The following SLFN5 variants were observed in gnomAD, a reference collection of about 807,000 sequenced individuals.
SLFN5 encodes the protein schlafen family member 5.
SLFN5 carries 34 observed loss-of-function variants against 48.5 expected under a neutral mutation model. The ratio of observed to expected loss-of-function variants is 0.70; its 90% CI spans 0.53 to 0.93. The LOEUF (loss-of-function observed/expected upper bound fraction) is 0.93, where lower values mean the gene tolerates loss of function less well. Ranked by LOEUF, SLFN5 falls within the 40% of genes least tolerant of loss-of-function variation. The pLI is 0.00. For synonymous variants in SLFN5, 387 were observed against 396.2 expected, an observed-to-expected ratio of 0.98 and a Z score of 0.28; for missense variants, 1,006 against 1,071.3, an observed-to-expected ratio of 0.94 and a Z score of 0.85.
At chr17:35,251,833 C>T (rs1488984706) in intron 1 of SLFN5, among the ~76,000 whole-genome samples, 2 of 151,704 alleles carry the variant, frequency 1.3e-5, no homozygotes, top group South Asian at 2.1e-4. Context: ...CCTGCCTCAA[C>T]CTCCCGAGTA....
chr17:35,267,374 C>G lies in SLFN5; in HGVS notation c.*1486C>G, dbSNP rs974116411. 13 of 152,182 alleles carry G rather than the reference C, an allele frequency of 8.5e-5. No individual in the cohort carries two copies. Among genetic ancestry groups the G allele is most frequent in the African/African-American group, 2.6e-4 (11 of 41,532 alleles). 9.4% of individuals were successfully genotyped at this position (152,182 alleles called of 1,614,324 possible). ...GAGTTCAACCTTACACTATAAACAT[C>G]TAATAGATATGTATGAAAATTTAAA... On this transcript the variant is annotated 3_prime_UTR_variant, in exon 5 of 5. Transcript: ENST00000299977.
At position 35,245,637 on chromosome 17, in the gene SLFN5, C is replaced by A. The variant is rs139273746; in HGVS notation, c.-41+2494C>A. On this transcript the variant is annotated intron_variant, in intron 1 of 4. Transcript: ENST00000299977. ...CACTCAGCATCATTGTTTTCAGATT[C>A]ATCTATGTCATTGTGGGTACCAATA... 6.4e-4 allele frequency among the ~76,000 whole-genome samples: 98 copies of A among 152,230 alleles called. 1 individual carries two copies. The East Asian group carries it at 0.018, about 27-fold the overall frequency.
chr17:35,249,502 T>TA (rs1177799015), intron 1 of SLFN5, among the ~76,000 whole-genome samples: 2 of 152,232 alleles, frequency 1.3e-5, no homozygotes, highest in Non-Finnish European at 2.9e-5. Context: ...GTAAACATGG[T>TA]ACTACTCTTT....
intron 4 of SLFN5, 32 bp downstream of exon 4, chr17:35,264,935 C>T: frequency 6.5e-7 from 1 of 1,538,780 alleles, no homozygotes; most frequent in South Asian, 1.3e-5. Flanking sequence ...ACTTTATTTT[C>T]TTGAGTGACT....
Position 35,266,177 on chromosome 17 carries a change from T to TGTGTGCGCGCGC in SLFN5, c.*290_*291insTGTGCGCGCGCG, listed in dbSNP as rs35160124. 93 of 173,416 alleles carry TGTGTGCGCGCGC rather than the reference T, an allele frequency of 5.4e-4. No individual in the cohort carries two copies. Among genetic ancestry groups the TGTGTGCGCGCGC allele is most frequent in the African/African-American group, 1.6e-3 (62 of 38,526 alleles). The allele number at this position is 173,416 out of a possible 1,614,324, so 10.7% of individuals were successfully genotyped here. Reference sequence around the variant, plus strand: ...GTGTGTGTGTGTGTGTGTGTGTGTGTGCGCGCGCGCACGTGCACATGTGTG... The same window carrying TGTGTGCGCGCGC: ...GTGTGTGTGTGTGTGTGTGTGTGTGTGTGTGCGCGCGCGCGCGCGCGCACGTGCACATGTGTG... On this transcript the variant is annotated 3_prime_UTR_variant, in exon 5 of 5. Coordinates refer to ENST00000299977, the MANE Select transcript of SLFN5 (RefSeq NM_144975.4).
Position 35,270,817 on chromosome 17 carries a change from C to G in SLFN5, c.*4929C>G, listed in dbSNP as rs1284973156. 1.3e-5 allele frequency: 2 copies of G among 152,072 alleles called. No homozygotes were observed. Among genetic ancestry groups the G allele is most frequent in the Non-Finnish European group, 2.9e-5 (2 of 68,014 alleles). 9.4% of individuals were successfully genotyped at this position (152,072 alleles called of 1,614,324 possible). ...AGGGTTGGTTGTCAGTTGTGACAAC[C>G]AAAAATGTCTCCAGACATCGCCAAA... On this transcript the variant is annotated 3_prime_UTR_variant, in exon 5 of 5. Coordinates refer to ENST00000299977, the MANE Select transcript of SLFN5 (RefSeq NM_144975.4).
intron 1 of SLFN5, among the ~76,000 whole-genome samples, chr17:35,243,797 C>G (rs2142678950): frequency 6.6e-6 from 1 of 152,360 alleles, no homozygotes; most frequent in Middle Eastern, 3.4e-3. Context: ...AGCCCAAATT[C>G]AGGCTCAGGA....
At chr17:35,259,781 G>C in intron 2 of SLFN5, 79 bp downstream of exon 2, 1 of 1,462,024 alleles carries the variant, frequency 6.8e-7, no homozygotes, top group Non-Finnish European at 9.2e-7. Context: ...AGAGGGATAT[G>C]GTATTCCTTG....
At chr17:35,250,486 C>T (rs2092439825) in intron 1 of SLFN5, among the ~76,000 whole-genome samples, 1 of 152,006 alleles carries the variant, frequency 6.6e-6, no homozygotes, top group African/African-American at 2.4e-5. Context: ...GAAACCCGGT[C>T]TCTACTAAAA....
intron 1 of SLFN5, among the ~76,000 whole-genome samples, chr17:35,251,587 A>T (rs2092442551): frequency 6.8e-6 from 1 of 147,198 alleles, no homozygotes; most frequent in Non-Finnish European, 1.5e-5. Flanking sequence ...TTGTATTTTT[A>T]GTAGAGACGG....
At position 35,256,274 on chromosome 17, in the gene SLFN5, G is replaced by A. The variant is rs528078410; in HGVS notation, c.-40-2377G>A. Among the ~76,000 whole-genome samples the A allele has an allele frequency of 1.4e-3, 215 of 152,158 alleles. 1 individual carries two copies. The highest frequency in any genetic ancestry group is 2.6e-3 in the Non-Finnish European group (178 of 68,008). On this transcript the variant is annotated intron_variant, in intron 1 of 4. Transcript: ENST00000299977. The stretch of plus-strand genomic sequence containing the variant: ...CTCGGGAGGCTGAGGCAGGAGAATC[G>A]CTTGAACCTGGGAGGCAGAGTTTAC...
In SLFN5 at chr17:35,258,591, G is replaced by A. The variant is rs1197291272; in HGVS notation, c.-40-60G>A. The A allele has an allele frequency of 4.2e-6, 6 of 1,433,722 alleles. No individual in the cohort carries two copies. In the African/African-American group the frequency reaches 5.7e-5, roughly 14 times the overall value. The allele number at this position is 1,433,722 out of a possible 1,614,324, so 88.8% of individuals were successfully genotyped here. A position where few individuals can be genotyped will look rare whatever the true frequency, so the allele number is the denominator to read the frequency against. ...CTCAGTAGGATGGCCTTAATCTGTT[G>A]GTTTTCCTGCCTCTCCTATTCTTGT... On this transcript the variant is annotated intron_variant, in intron 1 of 4. Coordinates refer to ENST00000299977, the MANE Select transcript of SLFN5 (RefSeq NM_144975.4).
In SLFN5 at chr17:35,259,019, T is replaced by C. The variant is rs1184362410; in HGVS notation, c.329T>C (p.Leu110Pro). 4.3e-6 allele frequency: 7 copies of C among 1,614,216 alleles called. No individual in the cohort carries two copies. Among genetic ancestry groups the C allele is most frequent in the Middle Eastern group, 1.6e-4 (1 of 6,062 alleles). Reference sequence around the variant, plus strand: ...TGGAACACAGAGGCTGGTGTGCCACTTGCTACCTTATGCTCCAATTTGTAC... The same window carrying C: ...TGGAACACAGAGGCTGGTGTGCCACCTGCTACCTTATGCTCCAATTTGTAC... ...KSWNTEAGVP[L>P]ATLCSNLYHR... The change falls in exon 2 of 5, where the codon CTT becomes CCT. Residue 110 changes from leucine to proline, a missense_variant. Physicochemically the swap from Leu to Pro is moderately conservative, Grantham distance 98. Coordinates refer to ENST00000299977, the MANE Select transcript of SLFN5 (RefSeq NM_144975.4).
intron 1 of SLFN5, among the ~76,000 whole-genome samples, chr17:35,244,744 G>C (rs2092426927): frequency 6.6e-6 from 1 of 152,038 alleles, no homozygotes; most frequent in African/African-American, 2.4e-5. Flanking sequence ...AGGAGTTCGA[G>C]ACAGCCTGGC....
intron 1 of SLFN5, among the ~76,000 whole-genome samples, chr17:35,245,890 C>T (rs770772590): frequency 2.0e-5 from 3 of 151,164 alleles, no homozygotes; most frequent in Admixed American, 1.3e-4. Flanking sequence ...ATATGGCAAG[C>T]GTACGCAGAA....
chr17:35,254,519 C>T (rs578013978), intron 1 of SLFN5, among the ~76,000 whole-genome samples: 4 of 152,246 alleles, frequency 2.6e-5, no homozygotes, highest in Admixed American at 6.5e-5. Context: ...TCTGAAATCT[C>T]AGTTCACAGT....
At chr17:35,243,769 G>A (rs1035010017) in intron 1 of SLFN5, among the ~76,000 whole-genome samples, 3 of 152,138 alleles carry the variant, frequency 2.0e-5, no homozygotes, top group Non-Finnish European at 4.4e-5. Context: ...CATGTGTCCC[G>A]GGAGCCCGAG....
chr17:35,261,092 T>A lies in SLFN5; in HGVS notation c.1134T>A (p.Phe378Leu), dbSNP rs755279353. ...ECLKEQQKRY[F>L]PVFSDRVVYT... ...TGAAAGAGCAGCAGAAACGCTACTT[T>A]CCAGGTAATTGGCCATCTCTGGTTG... The change falls in exon 3 of 5, where the codon TTT becomes TTA. Residue 378 changes from phenylalanine (F) to leucine (L), a missense_variant. Physicochemically the swap from Phe to Leu is conservative, Grantham distance 22. Coordinates refer to ENST00000299977, the MANE Select transcript of SLFN5 (RefSeq NM_144975.4). 18 of 1,613,090 alleles carry A rather than the reference T, an allele frequency of 1.1e-5. No individual in the cohort carries two copies. The Admixed American group carries it at 2.3e-4, about 21-fold the overall frequency.
intron 1 of SLFN5, among the ~76,000 whole-genome samples, chr17:35,247,429 C>A (rs2092433375): frequency 6.6e-6 from 1 of 152,176 alleles, no homozygotes; most frequent in Admixed American, 6.5e-5. Flanking sequence ...AGTTTCCTTG[C>A]AGGTTCCACC....
Sources: allele counts gnomAD v4.1 joint callset (sites outside exome capture counted in the v4.1 genomes callset), GRCh38; gene constraint gnomAD v4.1.1; transcripts MANE v1.5; gene names NCBI Gene and HGNC (gene_info 2026-07-23, HGNC 2026-07-21).